Variants in ARHGEF10 observed in about 807,000 individuals in gnomAD.
ARHGEF10 encodes the protein Rho guanine nucleotide exchange factor (GEF) 10.
In ARHGEF10, 140 loss-of-function variants were observed where a neutral mutation model predicts 147.4. That is an observed-to-expected ratio of 0.95 (90% CI 0.83 to 1.09). The LOEUF is 1.09. Ranked by LOEUF, ARHGEF10 falls within the 50% of genes least tolerant of loss-of-function variation. The pLI is 0.00. For missense variants in ARHGEF10, 2,222 were observed against 1,752.7 expected (o/e 1.27, Z -4.78); for synonymous variants, 902 against 695.8 (o/e 1.30, Z -4.67).
intron 1 of ARHGEF10, among the ~76,000 whole-genome samples, chr8:1,833,753 C>T (rs1485528697): frequency 2.6e-5 from 4 of 152,252 alleles, no homozygotes; most frequent in Admixed American, 1.3e-4. Flanking sequence ...CTGCAGATCC[C>T]GGCCCCACTG....
intron 26 of ARHGEF10, among the ~76,000 whole-genome samples, chr8:1,939,115 C>A (rs187880748): frequency 6.6e-6 from 1 of 152,324 alleles, no homozygotes; most frequent in South Asian, 2.1e-4. Flanking sequence ...TCCCAGTCCC[C>A]GGAGACTCCT....
At position 1,958,014 on chromosome 8, in the gene ARHGEF10, C is replaced by A. The variant is rs968343446; in HGVS notation, c.*751C>A. On this transcript the variant is annotated 3_prime_UTR_variant, in exon 29 of 29. Coordinates refer to ENST00000349830, the MANE Select transcript of ARHGEF10 (RefSeq NM_014629.4). ...ATCAACATTTGGACTCAAGCATCAA[C>A]ACCAAATTATTCCTCCCTTCTCGTA... 1 of 152,246 alleles carries A rather than the reference C, an allele frequency of 6.6e-6. No homozygotes were observed. The highest frequency in any genetic ancestry group is 1.9e-4 in the East Asian group (1 of 5,200). 9.4% of individuals were successfully genotyped at this position (152,246 alleles called of 1,614,324 possible).
At chr8:1,893,421 C>A in intron 11 of ARHGEF10, 148 bp from the exon 12 acceptor site, 1 of 649,000 alleles carries the variant, frequency 1.5e-6, no homozygotes, top group Non-Finnish European at 2.8e-6. Context: ...TGTTTTGTAC[C>A]TGTAATGTTA....
At chr8:1,841,278 T>G (rs1804011788) in intron 1 of ARHGEF10, among the ~76,000 whole-genome samples, 1 of 152,018 alleles carries the variant, frequency 6.6e-6, no homozygotes, top group Admixed American at 6.5e-5. Flanking sequence ...GTAATCTATG[T>G]AGAAGGTTAT....
chr8:1,870,775 A>G (rs1807043980), intron 7 of ARHGEF10: 1 of 152,200 alleles, frequency 6.6e-6, no homozygotes, highest in Non-Finnish European at 1.5e-5. Flanking sequence ...GGGGTGAGAG[A>G]TTTTAAGAAA....
chr8:1,945,599 C>T lies in ARHGEF10; in HGVS notation c.3341C>T (p.Thr1114Ile). Residue 1114 changes from threonine to isoleucine, a missense_variant, in exon 27 of 29, where the codon ACT (threonine) becomes ATT (isoleucine). Thr to Ile is a moderately conservative substitution (Grantham distance 89, BLOSUM62 -1). Coordinates refer to ENST00000349830, the MANE Select transcript of ARHGEF10 (RefSeq NM_014629.4). ...GSTLRLFHTETLKHLQDINIA... is the reference protein window; with the variant it reads ...GSTLRLFHTEILKHLQDINIA... ...ACGCTCCGCCTTTTTCACACGGAAACTCTCAAGCACCTGCAGGACATCAAC... is the reference window on the plus strand; with the variant it reads ...ACGCTCCGCCTTTTTCACACGGAAATTCTCAAGCACCTGCAGGACATCAAC... 1 of 1,614,244 alleles carries T rather than the reference C, an allele frequency of 6.2e-7. No individual in the cohort carries two copies. The highest frequency in any genetic ancestry group is 8.5e-7 in the Non-Finnish European group (1 of 1,180,036).
intron 26 of ARHGEF10, among the ~76,000 whole-genome samples, chr8:1,941,228 C>G (rs1365824053): frequency 6.6e-6 from 1 of 152,132 alleles, no homozygotes. Flanking sequence ...GAATTCACAG[C>G]AAAACTACTA....
intron 18 of ARHGEF10, among the ~76,000 whole-genome samples, chr8:1,921,254 T>C (rs990471839): frequency 6.6e-6 from 1 of 152,232 alleles, no homozygotes; most frequent in African/African-American, 2.4e-5. Context: ...CTCAGTTATA[T>C]AGTAAATATT....
At chr8:1,896,175 AG>A (rs1170165955) in intron 13 of ARHGEF10, among the ~76,000 whole-genome samples, 157 bp from the exon 14 acceptor site, 1 of 152,248 alleles carries the variant, frequency 6.6e-6, no homozygotes, top group Non-Finnish European at 1.5e-5. Flanking sequence ...GCTTGCTTAA[AG>A]AAAAAAAATC....
chr8:1,856,002 C>T (rs1805522385), intron 2 of ARHGEF10, among the ~76,000 whole-genome samples: 1 of 151,912 alleles, frequency 6.6e-6, no homozygotes, highest in African/African-American at 2.4e-5. Context: ...ACATAGTTAA[C>T]AAGGCTCAAA....
Position 1,956,943 on chromosome 8 carries a change from G to C in ARHGEF10, c.3715G>C (p.Ala1239Pro). 6.2e-7 allele frequency: 1 copy of C among 1,614,184 alleles called. No homozygotes were observed. Among genetic ancestry groups the C allele is most frequent in the Non-Finnish European group, 8.5e-7 (1 of 1,180,040 alleles). The change falls in exon 29 of 29, where the codon GCA (alanine) becomes CCA (proline). Residue 1239 changes from alanine to proline, a missense_variant. Transcript: ENST00000349830. ...ATCTCTGAGCCAGGGTGACCCTGAC[G>C]CAGCCATCTGGTTGGGAGATTCGCT... Reference protein sequence around the residue: ...GSSLSQGDPDAAIWLGDSLGS... With the variant: ...GSSLSQGDPDPAIWLGDSLGS...
intron 25 of ARHGEF10, among the ~76,000 whole-genome samples, chr8:1,931,587 A>G (rs1813152803): frequency 1.3e-5 from 2 of 152,190 alleles, no homozygotes; most frequent in South Asian, 2.1e-4. Flanking sequence ...GCAGAAGCGC[A>G]TAGCCTGCCA....
chr8:1,926,731 A>G, intron 23 of ARHGEF10: 2 of 505,842 alleles, frequency 4.0e-6, no homozygotes, highest in Non-Finnish European at 7.1e-6. Context: ...CAACTAACTA[A>G]TAAGAGAATA....
chr8:1,870,944 C>G (rs992253373), intron 7 of ARHGEF10: 11 of 152,010 alleles, frequency 7.2e-5, no homozygotes, highest in Non-Finnish European at 1.2e-4. Flanking sequence ...GAAACCCCAT[C>G]TCTACTAAAA....
chr8:1,950,043 G>C (rs1814903109), intron 27 of ARHGEF10, among the ~76,000 whole-genome samples: 1 of 152,086 alleles, frequency 6.6e-6, no homozygotes, highest in Non-Finnish European at 1.5e-5. Flanking sequence ...AGAAGGCCCT[G>C]GTGACTCCCC....
At chr8:1,915,867 G>A (rs904011078) in intron 18 of ARHGEF10, among the ~76,000 whole-genome samples, 1 of 152,188 alleles carries the variant, frequency 6.6e-6, no homozygotes, top group East Asian at 1.9e-4. Flanking sequence ...CATTCCTAAC[G>A]GCCTGTATAG....
In ARHGEF10 at chr8:1,887,405, G is replaced by A. The variant is rs575736762; in HGVS notation, c.1182+1698G>A. On this transcript the variant is annotated intron_variant, in intron 11 of 28. Transcript: ENST00000349830. Reference sequence around the variant, plus strand: ...ATGCGGGGGTGAGTGTGAAAGAGGCGATGCCAGACCCTGAGTGGGGTGTGA... The same window carrying A: ...ATGCGGGGGTGAGTGTGAAAGAGGCAATGCCAGACCCTGAGTGGGGTGTGA... 7.8e-4 allele frequency among the ~76,000 whole-genome samples: 119 copies of A among 152,292 alleles called. 1 individual carries two copies. Among genetic ancestry groups the A allele is most frequent in the African/African-American group, 2.8e-3 (115 of 41,556 alleles).
In ARHGEF10 at chr8:1,957,061, A is replaced by G. The variant is rs1311989853; in HGVS notation, c.3833A>G (p.Asp1278Gly). ...GSSSLEHRSE[D>G]STIYDLLKDP... is the part of the protein sequence containing the mutation. ...AGCTCTCTAGAGCACAGATCAGAGGACAGCACCATCTATGATCTCCTGAAG... is the reference window on the plus strand; with the variant it reads ...AGCTCTCTAGAGCACAGATCAGAGGGCAGCACCATCTATGATCTCCTGAAG... Residue 1278 changes from aspartate (D) to glycine (G), a missense_variant, in exon 29 of 29, where the codon GAC becomes GGC. Asp to Gly is a moderately conservative substitution (Grantham distance 94). Transcript: ENST00000349830. 6.2e-6 allele frequency: 10 copies of G among 1,613,802 alleles called. No individual in the cohort carries two copies. The highest frequency in any genetic ancestry group is 8.5e-6 in the Non-Finnish European group (10 of 1,180,032).
At position 1,876,585 on chromosome 8, in the gene ARHGEF10, G is replaced by A. The variant is rs964667128; in HGVS notation, c.694G>A (p.Asp232Asn). Residue 232 changes from aspartate to asparagine, a missense_variant, in exon 8 of 29, where the codon GAT becomes AAT. Asp to Asn is a conservative substitution (Grantham distance 23, BLOSUM62 1). Coordinates refer to ENST00000349830, the MANE Select transcript of ARHGEF10 (RefSeq NM_014629.4). ...SDSEPDEMIY[D>N]DVENGDEGGN... ...TATGCACTCAGATGAAATGATTTAT[G>A]ATGATGTTGAGAATGGGGATGAAGG... is the stretch of plus-strand genomic sequence containing the variant. 6.2e-7 allele frequency: 1 copy of A among 1,614,182 alleles called. No homozygotes were observed. Among genetic ancestry groups the A allele is most frequent in the Non-Finnish European group, 8.5e-7 (1 of 1,179,982 alleles).
Sources: allele counts gnomAD v4.1 joint callset (sites outside exome capture counted in the v4.1 genomes callset), GRCh38; gene constraint gnomAD v4.1.1; transcripts MANE v1.5; gene names NCBI Gene and HGNC (gene_info 2026-07-23, HGNC 2026-07-21).